The following PLEKHA8 variants were observed in gnomAD, a reference collection of about 807,000 sequenced individuals.
The protein encoded by PLEKHA8 is pleckstrin homology domain-containing family A member 8.
PLEKHA8 carries 36 observed loss-of-function variants against 68.2 expected under a neutral mutation model. The observed-to-expected ratio is 0.53, with a 90% CI of 0.40 to 0.70. PLEKHA8 has a LOEUF of 0.70. Among genes scored for constraint, PLEKHA8 ranks in the 30% least tolerant of loss-of-function variants. PLEKHA8 has a pLI of 0.00. For missense variants in PLEKHA8, 505 were observed against 615.4 expected (o/e 0.82, Z 1.90); for synonymous variants, 211 against 216.1 (o/e 0.98, Z 0.20).
In PLEKHA8 at chr7:30,068,189, A is replaced by T. The variant is rs1380013681; in HGVS notation, c.1300+5447A>T. ...TCTGTAGGCCTGACTTGAGGCTGAG[A>T]CTTTGCATTTCTAACAAGTTCCCAG... is the stretch of plus-strand genomic sequence containing the variant. On this transcript the variant is annotated intron_variant, in intron 12 of 13. Coordinates refer to ENST00000449726, the MANE Select transcript of PLEKHA8 (RefSeq NM_001197026.2). 2.0e-5 allele frequency among the ~76,000 whole-genome samples: 3 copies of T among 152,330 alleles called. No homozygotes were observed. The East Asian group carries it at 5.8e-4, about 29-fold the overall frequency.
intron 9 of PLEKHA8, among the ~76,000 whole-genome samples, chr7:30,056,278 T>TTCCCTCTCTCTCTCTCTCTCTC (rs771622715): frequency 1.8e-5 from 1 of 56,384 alleles, no homozygotes; most frequent in African/African-American, 6.0e-5. Flanking sequence ...TAAAGATATA[T>TTCCCTCTCTCTCTCTCTCTCTC]TCTCTCTCTC....
intron 1 of PLEKHA8, among the ~76,000 whole-genome samples, chr7:30,037,677 C>T (rs1791203369): frequency 6.6e-6 from 1 of 151,430 alleles, no homozygotes; most frequent in Admixed American, 6.6e-5. Flanking sequence ...TGAAAAAGCA[C>T]CTTTCCTTCA....
At chr7:30,073,563 T>TAAAAAAAAAAAAAAAAA (rs35738941) in intron 12 of PLEKHA8, among the ~76,000 whole-genome samples, 12 of 111,764 alleles carry the variant, frequency 1.1e-4, no homozygotes, top group African/African-American at 3.6e-4. Context: ...TTGTGTTTCT[T>TAAAAAAAAAAAAAAAAA]AAAAAAAAAA....
At position 30,045,120 on chromosome 7, in the gene PLEKHA8, A is replaced by G. The variant is rs941263363; in HGVS notation, c.76A>G (p.Ile26Val). ...TCGATGGTTCCTTCTCTGTGGGGGA[A>G]TATTGTCCTATTATGATTCTCCTGA... ...QPRWFLLCGG[I>V]LSYYDSPEDA... Residue 26 changes from isoleucine (I) to valine (V), a missense_variant, in exon 2 of 14, where the codon ATA becomes GTA. Ile to Val is a conservative substitution (Grantham distance 29, BLOSUM62 3). Coordinates refer to ENST00000449726, the MANE Select transcript of PLEKHA8 (RefSeq NM_001197026.2). 1.2e-6 allele frequency: 2 copies of G among 1,610,544 alleles called. No individual in the cohort carries two copies. Among genetic ancestry groups the G allele is most frequent in the Non-Finnish European group, 8.5e-7 (1 of 1,178,510 alleles).
chr7:30,103,338 A>G (rs547267343), intron 13 of PLEKHA8, among the ~76,000 whole-genome samples: 1 of 152,366 alleles, frequency 6.6e-6, no homozygotes, highest in East Asian at 1.9e-4. Context: ...CTTGAATTGT[A>G]CACTTTAAAT....
intron 1 of PLEKHA8, among the ~76,000 whole-genome samples, chr7:30,038,961 T>G (rs1282046293): frequency 6.7e-6 from 1 of 148,226 alleles, no homozygotes; most frequent in Non-Finnish European, 1.5e-5. Context: ...GTATGCCAGT[T>G]TAGATCCAAA....
chr7:30,035,684 G>A (rs535839194), intron 1 of PLEKHA8, among the ~76,000 whole-genome samples: 7 of 151,786 alleles, frequency 4.6e-5, no homozygotes, highest in South Asian at 2.1e-4. Flanking sequence ...TTGCTCTGTC[G>A]CCCAGGCTGG....
chr7:30,130,411 A>G (rs1015647118), downstream of PLEKHA8: 1 of 152,232 alleles, frequency 6.6e-6, no homozygotes, highest in Admixed American at 6.5e-5. Flanking sequence ...AGCTGAAAAT[A>G]CGGGCAAGGG....
At position 30,081,227 on chromosome 7, in the gene PLEKHA8, C is replaced by A; in HGVS notation, c.*2440C>A. On this transcript the variant is annotated 3_prime_UTR_variant, in exon 14 of 14. Transcript: ENST00000449726. ...TTACATTTTCCAATTACCCTTTTTC[C>A]ACATCTGTAGAAAGAGGGTAATATT... 3 of 985,100 alleles carry A rather than the reference C, an allele frequency of 3.0e-6. No homozygotes were observed. Among genetic ancestry groups the A allele is most frequent in the Non-Finnish European group, 3.6e-6 (3 of 829,724 alleles). The allele number at this position is 985,100 out of a possible 1,614,324, so 61.0% of individuals were successfully genotyped here.
chr7:30,051,175 C>T (rs1792379006), intron 6 of PLEKHA8, among the ~76,000 whole-genome samples: 1 of 152,196 alleles, frequency 6.6e-6, no homozygotes. Context: ...ATTGGTATTA[C>T]AGGCTTGAGC....
intron 13 of PLEKHA8, among the ~76,000 whole-genome samples, chr7:30,105,311 T>TAA (rs59891172): frequency 1.0e-3 from 54 of 53,732 alleles, no homozygotes; most frequent in African/African-American, 2.4e-3. Flanking sequence ...TCTCTATAAT[T>TAA]AAAAAAAAAA....
chr7:30,093,864 T>C (rs904621697), downstream of PLEKHA8, among the ~76,000 whole-genome samples: 2 of 152,236 alleles, frequency 1.3e-5, no homozygotes, highest in Non-Finnish European at 2.9e-5. Context: ...AATGGTCAGA[T>C]TGGACTCTGG....
chr7:30,081,649 T>A lies in PLEKHA8; in HGVS notation c.*2862T>A, dbSNP rs951699040. The A allele has an allele frequency of 1.0e-6, 1 of 985,134 alleles. No homozygotes were observed. The highest frequency in any genetic ancestry group is 1.7e-5 in the African/African-American group (1 of 57,240). The allele number at this position is 985,134 out of a possible 1,614,324, so 61.0% of individuals were successfully genotyped here. ...CTCTAGTATTTTGTTGGCAGAGTAATCACTTTGTTCTCATCGCTCAAAGCA... is the reference window on the plus strand; with the variant it reads ...CTCTAGTATTTTGTTGGCAGAGTAAACACTTTGTTCTCATCGCTCAAAGCA... On this transcript the variant is annotated 3_prime_UTR_variant, in exon 14 of 14. Coordinates refer to ENST00000449726, the MANE Select transcript of PLEKHA8 (RefSeq NM_001197026.2).
At chr7:30,103,219 CACA>C (rs1267335205) in intron 13 of PLEKHA8, among the ~76,000 whole-genome samples, 3 of 152,082 alleles carry the variant, frequency 2.0e-5, no homozygotes, top group African/African-American at 7.2e-5. Flanking sequence ...AGAAATGATG[CACA>C]ACAATGTGAA....
At chr7:30,032,429 C>T (rs2127957326) in intron 1 of PLEKHA8, among the ~76,000 whole-genome samples, 1 of 152,316 alleles carries the variant, frequency 6.6e-6, no homozygotes, top group East Asian at 1.9e-4. Flanking sequence ...CTTTTCTAAA[C>T]ATTTTACATG....
At chr7:30,031,079 G>C (rs1338082433) in intron 1 of PLEKHA8, among the ~76,000 whole-genome samples, 1 of 152,158 alleles carries the variant, frequency 6.6e-6, no homozygotes, top group African/African-American at 2.4e-5. Context: ...TTTGAGTGAA[G>C]TTAGGAAATC....
intron 13 of PLEKHA8, among the ~76,000 whole-genome samples, chr7:30,102,227 T>TA (rs1477960262): frequency 2.0e-5 from 3 of 152,216 alleles, no homozygotes; most frequent in Admixed American, 2.0e-4. Flanking sequence ...AACAAGGAGA[T>TA]ACCATTTCAT....
intron 1 of PLEKHA8, among the ~76,000 whole-genome samples, chr7:30,039,081 GT>G (rs1405176888): frequency 6.6e-6 from 1 of 152,168 alleles, no homozygotes; most frequent in Non-Finnish European, 1.5e-5. Context: ...ATTTTACACA[GT>G]TTGTTCATTA....
chr7:30,048,062 A>T, intron 4 of PLEKHA8, 106 bp downstream of exon 4: 1 of 638,314 alleles, frequency 1.6e-6, no homozygotes, highest in Non-Finnish European at 2.1e-6. Flanking sequence ...TAATATTACT[A>T]ATATACCTAA....
Sources: allele counts gnomAD v4.1 joint callset (sites outside exome capture counted in the v4.1 genomes callset), GRCh38; gene constraint gnomAD v4.1.1; transcripts MANE v1.5; gene names NCBI Gene and HGNC (gene_info 2026-07-23, HGNC 2026-07-21).